The following THAP4 variants were observed in gnomAD, a reference collection of about 807,000 sequenced individuals.
THAP4 encodes the protein THAP domain containing 4, also known as peroxynitrite isomerase THAP4.
Under a neutral mutation model 48.1 loss-of-function variants are expected in THAP4, and 18 were observed. The observed-to-expected ratio is 0.37, with a 90% CI of 0.26 to 0.56. The LOEUF (loss-of-function observed/expected upper bound fraction) is 0.56. Ranked by LOEUF, THAP4 falls within the 20% of genes least tolerant of loss-of-function variation. THAP4 has a pLI of 0.78. For synonymous variants in THAP4, 345 were observed against 324.9 expected, an observed-to-expected ratio of 1.06 and a Z score of -0.66; for missense variants, 656 against 774.9, an observed-to-expected ratio of 0.85 and a Z score of 1.82.
chr2:241,615,016 A>G (rs2067320804), intron 2 of THAP4, among the ~76,000 whole-genome samples: 1 of 152,258 alleles, frequency 6.6e-6, no homozygotes, highest in Non-Finnish European at 1.5e-5. Context: ...GAAAGCAGAA[A>G]GAAGTCTACT....
intron 3 of THAP4, 70 bp downstream of exon 3, chr2:241,606,244 T>C: frequency 7.1e-7 from 1 of 1,412,972 alleles, no homozygotes; most frequent in Non-Finnish European, 9.5e-7. Context: ...CTTTGATCAG[T>C]CTGGAATTAT....
chr2:241,633,145 C>A lies in THAP4; in HGVS notation c.1012G>T (p.Ala338Ser). Residue 338 changes from alanine to serine, a missense_variant, in exon 2 of 6, where the codon GCC becomes TCC. By Grantham distance (99) the Ala-to-Ser change is moderately conservative (BLOSUM62 1). Around this residue, in one of 4 missense-constraint regions of THAP4, gnomAD observed 391 missense variants for 412.4 expected, o/e 0.95. Coordinates refer to ENST00000407315, the MANE Select transcript of THAP4 (RefSeq NM_015963.6). The surrounding 1 kb of genome is among the most constrained non-coding windows in gnomAD (Gnocchi z 7.5). ...TGCAGTGAGTCGATGAGCTTGCAGG[C>A]CCCTGACGCCGACAGGATGACCTCG... ...INEVILSASG[A>S]CKLIDSLHSY... 1 of 1,609,968 alleles carries A rather than the reference C, an allele frequency of 6.2e-7. No individual in the cohort carries two copies. Among genetic ancestry groups the A allele is most frequent in the Non-Finnish European group, 8.5e-7 (1 of 1,177,622 alleles).
intron 5 of THAP4, among the ~76,000 whole-genome samples, chr2:241,593,408 G>A (rs2067010795): frequency 6.6e-6 from 1 of 152,224 alleles, no homozygotes; most frequent in Non-Finnish European, 1.5e-5. Context: ...GAATGGCAGT[G>A]AAGGAATGCT....
intron 2 of THAP4, among the ~76,000 whole-genome samples, chr2:241,611,982 G>T (rs986331462): frequency 3.9e-5 from 6 of 152,126 alleles, no homozygotes; most frequent in African/African-American, 1.4e-4. Flanking sequence ...GGTTCACTGC[G>T]GCCTAGACCA....
intron 2 of THAP4, among the ~76,000 whole-genome samples, chr2:241,632,395 C>T (rs1020957602): frequency 6.6e-6 from 1 of 152,054 alleles, no homozygotes; most frequent in Non-Finnish European, 1.5e-5. Context: ...CCACCGAGTC[C>T]AGCCTCAACA....
At chr2:241,635,812 C>T (rs1388511558) in intron 1 of THAP4, among the ~76,000 whole-genome samples, 1 of 152,058 alleles carries the variant, frequency 6.6e-6, no homozygotes, top group Non-Finnish European at 1.5e-5. Context: ...CCCTAATGTG[C>T]ACATAAGGGA....
chr2:241,619,789 G>C (rs2067394343), intron 2 of THAP4, among the ~76,000 whole-genome samples: 2 of 138,770 alleles, frequency 1.4e-5, no homozygotes, highest in Admixed American at 7.2e-5. Flanking sequence ...CGGTGAGTGA[G>C]GGGTGCGTGA....
intron 2 of THAP4, among the ~76,000 whole-genome samples, chr2:241,628,925 C>CA (rs34034619): frequency 0.34 from 21,644 of 64,224 alleles, 3,815 homozygotes; most frequent in Non-Finnish European, 0.37. Context: ...GAGATTGTCT[C>CA]AAAAAAAAAA....
At chr2:241,635,477 G>A (rs886528947) in intron 1 of THAP4, among the ~76,000 whole-genome samples, 7 of 152,208 alleles carry the variant, frequency 4.6e-5, no homozygotes, top group East Asian at 1.9e-4. Context: ...GGCCTGGGCC[G>A]GGCGGGGTGG....
chr2:241,622,097 C>T (rs574919707), intron 2 of THAP4, among the ~76,000 whole-genome samples: 20 of 152,324 alleles, frequency 1.3e-4, no homozygotes, highest in African/African-American at 4.1e-4. Flanking sequence ...TACGCGGGCG[C>T]GGTGGCTCAC....
At chr2:241,614,448 A>G (rs2067314037) in intron 2 of THAP4, among the ~76,000 whole-genome samples, 1 of 152,254 alleles carries the variant, frequency 6.6e-6, no homozygotes, top group Non-Finnish European at 1.5e-5. Flanking sequence ...ATTACTGATG[A>G]CACACGAAGA....
intron 2 of THAP4, among the ~76,000 whole-genome samples, chr2:241,607,685 G>A (rs569903761): frequency 6.7e-6 from 1 of 149,064 alleles, no homozygotes; most frequent in African/African-American, 2.5e-5. Context: ...TCTCCTCCAG[G>A]CCCGCGCAAG....
intron 5 of THAP4, among the ~76,000 whole-genome samples, chr2:241,598,442 C>T (rs2067075235): frequency 6.6e-6 from 1 of 152,186 alleles, no homozygotes; most frequent in African/African-American, 2.4e-5. Flanking sequence ...TGATCCAACA[C>T]TGATGAGCTA....
rs139648598 is a variant in THAP4, at chr2:241,616,281, A to C, written c.1241-9808T>G. ...AGGGATGGGTGGGCTGGAGATGGCCAGCAGCTGGCATTGCTGGCAGCTTGG... is the reference window on the plus strand; with the variant it reads ...AGGGATGGGTGGGCTGGAGATGGCCCGCAGCTGGCATTGCTGGCAGCTTGG... On this transcript the variant is annotated intron_variant, in intron 2 of 5. Transcript: ENST00000407315. The surrounding 1 kb of genome is among the most constrained non-coding windows in gnomAD (Gnocchi z 4.6). Among the ~76,000 whole-genome samples the C allele has an allele frequency of 6.7e-3, 1,026 of 152,352 alleles. 12 individuals carry two copies. The highest frequency in any genetic ancestry group is 0.024 in the African/African-American group (999 of 41,580).
intron 5 of THAP4, among the ~76,000 whole-genome samples, chr2:241,591,654 G>T (rs2066980452): frequency 6.6e-6 from 1 of 152,078 alleles, no homozygotes; most frequent in Admixed American, 6.5e-5. Context: ...CAGGGTGCAG[G>T]GTAGCTGGCC....
intron 2 of THAP4, among the ~76,000 whole-genome samples, chr2:241,627,735 C>T (rs897323969): frequency 2.0e-5 from 3 of 152,214 alleles, no homozygotes; most frequent in Non-Finnish European, 2.9e-5. Context: ...GGGCCTGCGA[C>T]GCCGGCGTGA....
intron 2 of THAP4, among the ~76,000 whole-genome samples, chr2:241,629,382 G>A (rs1233627728): frequency 2.0e-5 from 3 of 151,576 alleles, no homozygotes. Context: ...GAGGTGGGAG[G>A]ATGGCTTGAG....
At chr2:241,614,108 C>G (rs926699317) in intron 2 of THAP4, among the ~76,000 whole-genome samples, 6 of 150,612 alleles carry the variant, frequency 4.0e-5, no homozygotes, top group African/African-American at 1.5e-4. Flanking sequence ...GAGCCAAGAT[C>G]GCGCCACTGC....
intron 5 of THAP4, among the ~76,000 whole-genome samples, chr2:241,594,282 T>G (rs2067022914): frequency 6.6e-6 from 1 of 152,180 alleles, no homozygotes; most frequent in South Asian, 2.1e-4. Flanking sequence ...GGTGTCTTTT[T>G]GGGGTATAAA....
Sources: allele counts gnomAD v4.1 joint callset (sites outside exome capture counted in the v4.1 genomes callset), GRCh38; gene constraint gnomAD v4.1.1; regional missense constraint gnomAD v4.1.1; non-coding constraint Gnocchi (gnomAD v3.1); transcripts MANE v1.5; gene names NCBI Gene and HGNC (gene_info 2026-07-23, HGNC 2026-07-21).